CNTN5: variants seen among roughly 807,000 people sequenced by gnomAD.
CNTN5 encodes the protein contactin-5.
In CNTN5, 77 loss-of-function variants were observed where a neutral mutation model predicts 129.1. The observed-to-expected ratio is 0.60, with a 90% CI of 0.50 to 0.72. The LOEUF (loss-of-function observed/expected upper bound fraction) is 0.72. Among genes scored for constraint, CNTN5 ranks in the 30% least tolerant of loss-of-function variants. CNTN5 has a pLI of 0.00. For missense variants in CNTN5, 1,478 were observed against 1,328.8 expected, an observed-to-expected ratio of 1.11 and a Z score of -1.75; for synonymous variants, 509 against 465.6, an observed-to-expected ratio of 1.09 and a Z score of -1.20.
At chr11:99,431,403 C>T (rs1943364853) in intron 2 of CNTN5, among the ~76,000 whole-genome samples, 1 of 151,608 alleles carries the variant, frequency 6.6e-6, no homozygotes, top group South Asian at 2.1e-4. Context: ...TGCTAGCCAT[C>T]CACCATCCTG....
At chr11:99,502,420 G>C (rs1014908880) in intron 2 of CNTN5, among the ~76,000 whole-genome samples, 1 of 151,954 alleles carries the variant, frequency 6.6e-6, no homozygotes, top group East Asian at 1.9e-4. Flanking sequence ...ACGGGGGTTG[G>C]GGGGGTGGTT....
At chr11:99,110,481 T>C (rs1017810504) in intron 1 of CNTN5, among the ~76,000 whole-genome samples, 12 of 152,242 alleles carry the variant, frequency 7.9e-5, no homozygotes, top group African/African-American at 2.6e-4. Flanking sequence ...ATGTTGGCCT[T>C]GGGATGCTAA....
At chr11:99,994,467 T>C (rs1171843449) in intron 8 of CNTN5, among the ~76,000 whole-genome samples, 1 of 152,196 alleles carries the variant, frequency 6.6e-6, no homozygotes, top group Non-Finnish European at 1.5e-5. Flanking sequence ...CTAAGATCTC[T>C]TTAGACAATT....
At chr11:99,666,714 A>G (rs916203453) in intron 3 of CNTN5, among the ~76,000 whole-genome samples, 1 of 152,150 alleles carries the variant, frequency 6.6e-6, no homozygotes, top group African/African-American at 2.4e-5. Context: ...GCATAAAACT[A>G]AAGATACAGT....
At chr11:99,761,344 C>T (rs1944575067) in intron 3 of CNTN5, among the ~76,000 whole-genome samples, 1 of 151,888 alleles carries the variant, frequency 6.6e-6, no homozygotes, top group Non-Finnish European at 1.5e-5. Context: ...TATACATGTG[C>T]CATGCTGGTG....
At chr11:99,581,439 G>T (rs1429567879) in intron 3 of CNTN5, among the ~76,000 whole-genome samples, 1 of 148,078 alleles carries the variant, frequency 6.8e-6, no homozygotes, top group African/African-American at 2.5e-5. Context: ...GGGTGTTAAA[G>T]TCTCCCATTA....
chr11:99,246,553 A>G (rs1432547270), intron 1 of CNTN5, among the ~76,000 whole-genome samples: 1 of 152,142 alleles, frequency 6.6e-6, no homozygotes, highest in Non-Finnish European at 1.5e-5. Context: ...TGAAGCTATG[A>G]TTGTCCATAT....
intron 6 of CNTN5, among the ~76,000 whole-genome samples, chr11:99,852,176 C>A (rs970622154): frequency 3.9e-5 from 6 of 152,018 alleles, no homozygotes; most frequent in Non-Finnish European, 7.4e-5. Context: ...AAGGAAATCA[C>A]AACTCACAAT....
At chr11:99,080,802 A>G (rs1056526375) in intron 1 of CNTN5, among the ~76,000 whole-genome samples, 4 of 152,190 alleles carry the variant, frequency 2.6e-5, no homozygotes, top group Non-Finnish European at 5.9e-5. Flanking sequence ...ATAGATTTGT[A>G]TAAGTGTTTT....
intron 13 of CNTN5, among the ~76,000 whole-genome samples, chr11:100,104,188 A>G (rs1945335181): frequency 6.8e-6 from 1 of 147,364 alleles, no homozygotes; most frequent in Admixed American, 7.0e-5. Context: ...TCCGCCTCCC[A>G]GGTTCAGGCA....
intron 1 of CNTN5, among the ~76,000 whole-genome samples, chr11:99,229,077 C>T (rs1229460929): frequency 2.0e-5 from 3 of 151,916 alleles, no homozygotes; most frequent in Non-Finnish European, 1.5e-5. Flanking sequence ...TAGTATTATA[C>T]TATACATGTT....
rs577346478 is a variant in CNTN5 at position 100,198,414 on chromosome 11, A to G, written c.1884+4751A>G. On this transcript the variant is annotated intron_variant, in intron 15 of 24. Transcript: ENST00000524871. The stretch of plus-strand genomic sequence containing the variant: ...ATGGATACTGTATGTATGTCTGTCT[A>G]GACACACACACACACACACAATAGC... Among the ~76,000 whole-genome samples, 44 of 121,118 alleles carry G rather than the reference A, an allele frequency of 3.6e-4. 1 individual carries two copies. The East Asian group carries it at 6.6e-3, about 18-fold the overall frequency. 79.5% of individuals were successfully genotyped at this position (121,118 alleles called of 152,430 possible).
intron 9 of CNTN5, among the ~76,000 whole-genome samples, chr11:100,007,953 G>A (rs1940296459): frequency 1.3e-5 from 2 of 151,882 alleles, no homozygotes; most frequent in African/African-American, 2.4e-5. Flanking sequence ...CCATTGTAGG[G>A]TTATTAATTG....
intron 1 of CNTN5, among the ~76,000 whole-genome samples, chr11:99,196,364 T>A (rs920564598): frequency 6.6e-6 from 1 of 151,986 alleles, no homozygotes; most frequent in Non-Finnish European, 1.5e-5. Flanking sequence ...ACTAAATCCT[T>A]TTCTTTAGAG....
At chr11:100,032,871 T>G (rs978333877) in intron 9 of CNTN5, among the ~76,000 whole-genome samples, 15 of 152,240 alleles carry the variant, frequency 9.9e-5, no homozygotes, top group Non-Finnish European at 8.8e-5. Flanking sequence ...GAATGAAGAT[T>G]TTGGTAGATT....
intron 1 of CNTN5, among the ~76,000 whole-genome samples, chr11:99,143,887 A>C (rs1859654709): frequency 6.6e-6 from 1 of 152,184 alleles, no homozygotes; most frequent in Admixed American, 6.5e-5. Context: ...AATTACAAGC[A>C]GTGTTCTTTG....
rs1194885066 is a variant in CNTN5, at chr11:99,612,651, G to T, written c.55+56382G>T. ...CAAAGCTGCCTTTACAAAATTGAAA[G>T]GTTCTCTAGTTTCTCAAAACACAGG... On this transcript the variant is annotated intron_variant, in intron 3 of 24. Coordinates refer to ENST00000524871, the MANE Select transcript of CNTN5 (RefSeq NM_014361.4). Among the ~76,000 whole-genome samples the T allele has an allele frequency of 4.6e-5, 7 of 152,180 alleles. No homozygotes were observed. In the East Asian group the frequency reaches 1.2e-3, roughly 25 times the overall value.
At chr11:99,625,347 TA>T (rs980472081) in intron 3 of CNTN5, among the ~76,000 whole-genome samples, 1 of 152,054 alleles carries the variant, frequency 6.6e-6, no homozygotes, top group African/African-American at 2.4e-5. Context: ...TTCAGAGGGA[TA>T]AAAAAACACA....
intron 1 of CNTN5, among the ~76,000 whole-genome samples, chr11:99,308,981 T>C (rs1037870733): frequency 6.6e-6 from 1 of 152,170 alleles, no homozygotes; most frequent in African/African-American, 2.4e-5. Flanking sequence ...ATACAAAATA[T>C]ACATTTGATT....
Sources: gnomAD v4.1 joint callset for allele counts (sites outside exome capture counted in the v4.1 genomes callset) on GRCh38, gnomAD v4.1.1 for gene constraint, MANE v1.5 for transcripts, NCBI Gene and HGNC (gene_info 2026-07-23, HGNC 2026-07-21) for gene names.